Variants in IFT46 observed in about 807,000 individuals in gnomAD.
IFT46 encodes intraflagellar transport 46, also known as intraflagellar transport protein 46 homolog.
Under a neutral mutation model 39.6 loss-of-function variants are expected in IFT46, and 19 were observed. That is an observed-to-expected ratio of 0.48 (90% CI 0.33 to 0.70). IFT46 has a LOEUF of 0.70. Ranked by LOEUF, IFT46 falls within the 30% of genes least tolerant of loss-of-function variation. IFT46 has a pLI of 0.01. For synonymous variants in IFT46, 117 were observed against 134.8 expected, an observed-to-expected ratio of 0.87 and a Z score of 0.91; for missense variants, 334 against 364.8, an observed-to-expected ratio of 0.92 and a Z score of 0.69.
intron 9 of IFT46, among the ~76,000 whole-genome samples, chr11:118,549,480 C>A (rs185169544): frequency 1.1e-3 from 160 of 151,404 alleles, no homozygotes; most frequent in Admixed American, 3.5e-3. Flanking sequence ...GTATGTAGAA[C>A]CTTTCATTTC....
At chr11:118,572,842 G>A in exon 1 of IFT46, 4 of 417,860 alleles carry the variant, frequency 9.6e-6, no homozygotes, top group Non-Finnish European at 1.3e-5. Flanking sequence ...TTTGCTCTGC[G>A]AGAACTTCGT....
chr11:118,576,776 G>A (rs1442114965), upstream of IFT46, among the ~76,000 whole-genome samples: 1 of 152,092 alleles, frequency 6.6e-6, no homozygotes, highest in African/African-American at 2.4e-5. Flanking sequence ...ACTTAGTATG[G>A]GGAACTATGG....
Position 118,547,580 on chromosome 11 carries a change from G to A in IFT46, c.673-1727C>T, listed in dbSNP as rs1020319907. ...ATTACAGATGTGCGCCACCAGGCCC[G>A]GCTAATTTTTTTGTGTTTTCAATAG... On this transcript the variant is annotated intron_variant, in intron 9 of 11. Transcript: ENST00000264021. Among the ~76,000 whole-genome samples, 4 of 150,756 alleles carry A rather than the reference G, an allele frequency of 2.7e-5. No individual in the cohort carries two copies. The East Asian group carries it at 6.1e-4, about 23-fold the overall frequency.
upstream of IFT46, chr11:118,573,922 C>G (rs1422841545): frequency 4.5e-6 from 2 of 448,766 alleles, no homozygotes; most frequent in Non-Finnish European, 7.9e-6. Context: ...CCGTTTACAC[C>G]CTGGAATTAA....
chr11:118,551,863 A>G lies in IFT46; in HGVS notation c.606-11T>C, dbSNP rs1555068563. On this transcript the variant is annotated splice_polypyrimidine_tract_variant and intron_variant, in intron 8 of 11. Coordinates refer to ENST00000264021, the MANE Select transcript of IFT46 (RefSeq NM_001168618.2). ...ATGTCGGGCATGGGCCTAAAAGTATAAAGGTAAATATGAACAAGAAACGTG... is the reference window on the plus strand; with the variant it reads ...ATGTCGGGCATGGGCCTAAAAGTATGAAGGTAAATATGAACAAGAAACGTG... The G allele has an allele frequency of 6.2e-7, 1 of 1,612,824 alleles. No individual in the cohort carries two copies. Among genetic ancestry groups the G allele is most frequent in the East Asian group, 2.2e-5 (1 of 44,874 alleles).
At chr11:118,571,215 T>C (rs1938329142) in intron 1 of IFT46, among the ~76,000 whole-genome samples, 1 of 152,252 alleles carries the variant, frequency 6.6e-6, no homozygotes. Context: ...TGCCCCATTG[T>C]ATCCGTCTTT....
At chr11:118,560,444 A>AGGGGAG (rs1565350285) in intron 2 of IFT46, 2 of 64,542 alleles carry the variant, frequency 3.1e-5, no homozygotes, top group Admixed American at 1.9e-4. Context: ...TGGGAGGGGA[A>AGGGGAG]GGGAGGGGAG....
At chr11:118,554,385 T>C (rs1937755983) in intron 7 of IFT46, 74 bp downstream of exon 7, 1 of 1,432,192 alleles carries the variant, frequency 7.0e-7, no homozygotes, top group Non-Finnish European at 9.4e-7. Context: ...GTAAGTCAAC[T>C]GTATGAGTGC....
chr11:118,567,725 TA>T (rs1398917605), upstream of IFT46, among the ~76,000 whole-genome samples: 9 of 152,038 alleles, frequency 5.9e-5, no homozygotes, highest in East Asian at 1.9e-4. Context: ...GAACTGCATT[TA>T]AAAAAAAATT....
At chr11:118,547,728 A>ACTTTT (rs1441995344) in intron 9 of IFT46, among the ~76,000 whole-genome samples, 4 of 122,252 alleles carry the variant, frequency 3.3e-5, no homozygotes, top group Admixed American at 8.4e-5. Context: ...AGCTCCTTTT[A>ACTTTT]CTTTTCTTTT....
At chr11:118,545,127 T>C in intron 11 of IFT46, 116 bp from the exon 12 acceptor site, 1 of 826,226 alleles carries the variant, frequency 1.2e-6, no homozygotes, top group Non-Finnish European at 1.9e-6. Context: ...CTTCCATTCA[T>C]GAGGGAACTT....
At position 118,549,127 on chromosome 11, in the gene IFT46, GGCCTCAGGT is replaced by G. The variant is rs571503117; in HGVS notation, c.672+2650_672+2658del. Among the ~76,000 whole-genome samples the G allele has an allele frequency of 9.6e-4, 145 of 151,514 alleles. 1 individual carries two copies. Among genetic ancestry groups the G allele is most frequent in the Admixed American group, 7.0e-3 (106 of 15,230 alleles). The stretch of plus-strand genomic sequence containing the variant: ...TTGGCCAGGCTGGTCTTGAACTCCT[GGCCTCAGGT>G]GATGCGCCCACCTCAGCCTCCCAAA... On this transcript the variant is annotated intron_variant, in intron 9 of 11. Coordinates refer to ENST00000264021, the MANE Select transcript of IFT46 (RefSeq NM_001168618.2).
chr11:118,564,358 G>A (rs1938158491), intron 2 of IFT46, among the ~76,000 whole-genome samples: 1 of 152,094 alleles, frequency 6.6e-6, no homozygotes, highest in Non-Finnish European at 1.5e-5. Flanking sequence ...GGGACATTGT[G>A]TCATTTAACA....
chr11:118,546,283 A>G, intron 9 of IFT46: 1 of 649,366 alleles, frequency 1.5e-6, no homozygotes. Flanking sequence ...AGATCGCCTG[A>G]GCCTAGGAGT....
chr11:118,569,545 T>TG (rs1327132264), upstream of IFT46, among the ~76,000 whole-genome samples: 2 of 152,140 alleles, frequency 1.3e-5, no homozygotes, highest in African/African-American at 4.8e-5. Flanking sequence ...AGAAGGCCAT[T>TG]GGAGATGGAA....
intron 9 of IFT46, among the ~76,000 whole-genome samples, chr11:118,547,450 G>A (rs1226252467): frequency 6.6e-6 from 1 of 152,152 alleles, no homozygotes; most frequent in Admixed American, 6.6e-5. Flanking sequence ...ACGGAGTCTT[G>A]CTCTGTTGCC....
Position 118,555,680 on chromosome 11 carries a change from T to G in IFT46, c.186-358A>C, listed in dbSNP as rs113346073. 8.7e-3 allele frequency: 1,740 copies of G among 199,278 alleles called. 28 individuals carry two copies. Among genetic ancestry groups the G allele is most frequent in the African/African-American group, 0.038 (1,594 of 42,046 alleles). The allele number at this position is 199,278 out of a possible 1,614,324, so 12.3% of individuals were successfully genotyped here. Reference sequence around the variant, plus strand: ...CTCACACCTGTAATCCCAGCACTTTTGGAGGCCGAGGCAGGCGGATCACCT... The same window carrying G: ...CTCACACCTGTAATCCCAGCACTTTGGGAGGCCGAGGCAGGCGGATCACCT... On this transcript the variant is annotated intron_variant, in intron 4 of 11. Coordinates refer to ENST00000264021, the MANE Select transcript of IFT46 (RefSeq NM_001168618.2).
At chr11:118,569,373 G>A (rs2135520392), upstream of IFT46, among the ~76,000 whole-genome samples, 1 of 150,466 alleles carries the variant, frequency 6.6e-6, no homozygotes, top group Middle Eastern at 3.5e-3. Context: ...TGGGAGTACT[G>A]CTTGAGGTCA....
At chr11:118,546,364 A>G (rs1951686385) in intron 9 of IFT46, 1 of 543,300 alleles carries the variant, frequency 1.8e-6, no homozygotes, top group Non-Finnish European at 3.4e-6. Context: ...GGTGTTGAGT[A>G]TCTGTAGTCC....
Sources: gnomAD v4.1 joint callset for allele counts (sites outside exome capture counted in the v4.1 genomes callset) on GRCh38, gnomAD v4.1.1 for gene constraint, MANE v1.5 for transcripts, NCBI Gene and HGNC (gene_info 2026-07-23, HGNC 2026-07-21) for gene names.